The following NTM variants were observed in gnomAD, a reference collection of about 807,000 sequenced individuals.
The protein encoded by NTM is neurotrimin, also known as IgLON family member 2.
A neutral mutation model predicts 42.1 loss-of-function variants in NTM; 13 were observed. The ratio of observed to expected loss-of-function variants is 0.31; its 90% CI spans 0.20 to 0.49. The LOEUF (loss-of-function observed/expected upper bound fraction) is 0.49. Among genes scored for constraint, NTM ranks in the 20% least tolerant of loss-of-function variants. The pLI, the probability that NTM is intolerant of heterozygous loss-of-function variation, is 0.99. For synonymous variants in NTM, 187 were observed against 179.2 expected (o/e 1.04, Z -0.35); for missense variants, 373 against 452.8 (o/e 0.82, Z 1.60).
At chr11:131,567,197 A>G (rs2056979374) in intron 1 of NTM, among the ~76,000 whole-genome samples, 1 of 152,138 alleles carries the variant, frequency 6.6e-6, no homozygotes. Flanking sequence ...GGAAACCTAA[A>G]AAAACCCTAG....
intron 1 of NTM, among the ~76,000 whole-genome samples, chr11:131,564,579 T>C (rs1374554952): frequency 2.6e-5 from 4 of 152,186 alleles, no homozygotes; most frequent in Non-Finnish European, 5.9e-5. Context: ...GTATACAACA[T>C]GGTGAGTTTG....
intron 4 of NTM, among the ~76,000 whole-genome samples, chr11:132,267,477 T>C (rs1036709422): frequency 6.0e-4 from 32 of 53,696 alleles, no homozygotes; most frequent in African/African-American, 2.5e-3. Flanking sequence ...GGTTCTTGGA[T>C]GATTTTTTTT....
chr11:131,540,493 G>A (rs1021523136), intron 1 of NTM: 1 of 152,238 alleles, frequency 6.6e-6, no homozygotes, highest in African/African-American at 2.4e-5. Context: ...TAAAGATACT[G>A]ACGACCTCCA....
intron 1 of NTM, among the ~76,000 whole-genome samples, chr11:131,614,054 T>C (rs897279467): frequency 6.6e-6 from 1 of 152,190 alleles, no homozygotes; most frequent in African/African-American, 2.4e-5. Context: ...AGCCTCTCAA[T>C]ACCTGGGTGC....
chr11:132,001,186 G>A (rs1284410794), intron 2 of NTM, among the ~76,000 whole-genome samples: 1 of 152,206 alleles, frequency 6.6e-6, no homozygotes, highest in East Asian at 1.9e-4. Flanking sequence ...GTAGGGCATT[G>A]TGGTCCCTTT....
intron 1 of NTM, among the ~76,000 whole-genome samples, chr11:131,383,641 G>A (rs888675781): frequency 6.6e-6 from 1 of 152,100 alleles, no homozygotes; most frequent in African/African-American, 2.4e-5. Context: ...AAAGACAAGA[G>A]GTATATGTAG....
chr11:131,524,920 G>C (rs752908783), intron 1 of NTM, among the ~76,000 whole-genome samples: 2 of 152,216 alleles, frequency 1.3e-5, no homozygotes, highest in African/African-American at 4.8e-5. Flanking sequence ...AATAGTTCTT[G>C]CCTAATGGCA....
At chr11:131,791,900 C>A (rs2090990354) in intron 1 of NTM, among the ~76,000 whole-genome samples, 1 of 152,254 alleles carries the variant, frequency 6.6e-6, no homozygotes, top group African/African-American at 2.4e-5. Flanking sequence ...GGTTACTTAT[C>A]TATAAATAGA....
At chr11:131,781,349 T>C (rs542342310) in intron 1 of NTM, among the ~76,000 whole-genome samples, 1 of 152,126 alleles carries the variant, frequency 6.6e-6, no homozygotes, top group South Asian at 2.1e-4. Flanking sequence ...AAACAAATCA[T>C]ACTGAATAGG....
Position 131,969,493 on chromosome 11 carries a change from G to A in NTM, c.167+57845G>A, listed in dbSNP as rs554484535. Among the ~76,000 whole-genome samples, 5 of 152,356 alleles carry A rather than the reference G, an allele frequency of 3.3e-5. No individual in the cohort carries two copies. The South Asian group carries it at 1.0e-3, about 32-fold the overall frequency. On this transcript the variant is annotated intron_variant, in intron 2 of 8. Transcript: ENST00000683400. ...GCTGTTTGTCCATCAGCTCCAGAGA[G>A]CAGGCTCCTTTAATCTGTTGGCTTT...
intron 1 of NTM, among the ~76,000 whole-genome samples, chr11:131,471,368 G>T (rs939054326): frequency 6.6e-6 from 1 of 152,202 alleles, no homozygotes; most frequent in Non-Finnish European, 1.5e-5. Context: ...AGATTCAAGG[G>T]TGATGAAGGC....
At chr11:131,482,958 AG>A (rs1172209145) in intron 1 of NTM, among the ~76,000 whole-genome samples, 1 of 152,238 alleles carries the variant, frequency 6.6e-6, no homozygotes, top group East Asian at 1.9e-4. Context: ...GCACACGCAG[AG>A]GAAAGTTAAT....
chr11:131,433,315 C>A (rs1271514408), intron 1 of NTM, among the ~76,000 whole-genome samples: 2 of 152,106 alleles, frequency 1.3e-5, no homozygotes, highest in African/African-American at 2.4e-5. Flanking sequence ...CTTTCCTATA[C>A]AACATTCTGT....
intron 2 of NTM, among the ~76,000 whole-genome samples, chr11:131,950,983 AT>A (rs1044818951): frequency 6.6e-6 from 1 of 151,958 alleles, no homozygotes; most frequent in Non-Finnish European, 1.5e-5. Flanking sequence ...TGCCCTGGAC[AT>A]TGCTGTTGTT....
chr11:131,606,624 T>C (rs1343353434), intron 1 of NTM, among the ~76,000 whole-genome samples: 1 of 152,128 alleles, frequency 6.6e-6, no homozygotes. Context: ...CATGGGAACT[T>C]GGGAACTAAC....
rs183079746 is a variant in NTM, at chr11:131,494,527, G to A, written c.82+123639G>A. Among the ~76,000 whole-genome samples, 827 of 152,276 alleles carry A rather than the reference G, an allele frequency of 5.4e-3. 21 individuals are homozygous for A. Among genetic ancestry groups the A allele is most frequent in the Non-Finnish European group, 2.5e-3 (172 of 68,024 alleles). On this transcript the variant is annotated intron_variant, in intron 1 of 8. Transcript: ENST00000683400. Reference sequence around the variant, plus strand: ...CAATTGAACCCATTTGCTGGGGCTGGGAGTTTTTGTGAGATATGGAACTTT... The same window carrying A: ...CAATTGAACCCATTTGCTGGGGCTGAGAGTTTTTGTGAGATATGGAACTTT...
At chr11:131,655,413 C>T (rs1419894903) in intron 1 of NTM, among the ~76,000 whole-genome samples, 1 of 152,232 alleles carries the variant, frequency 6.6e-6, no homozygotes, top group Non-Finnish European at 1.5e-5. Flanking sequence ...CTGGTACCTT[C>T]CTCCTTCCTT....
intron 1 of NTM, among the ~76,000 whole-genome samples, chr11:131,384,881 A>G (rs990322293): frequency 6.6e-6 from 1 of 152,228 alleles, no homozygotes; most frequent in African/African-American, 2.4e-5. Context: ...GAAATACTCT[A>G]CTTTGTCTGT....
rs149454930 is a variant in NTM, at chr11:131,841,947, G to A, written c.83-69617G>A. On this transcript the variant is annotated intron_variant, in intron 1 of 8. Coordinates refer to ENST00000683400, the MANE Select transcript of NTM (RefSeq NM_001352005.2). ...GGCAAGAGATGCCCAACAGCCATTA[G>A]GCAGGAGCCACACTAGAATGGGCGA... Among the ~76,000 whole-genome samples the A allele has an allele frequency of 2.9e-3, 435 of 152,328 alleles. 1 individual carries two copies. Among genetic ancestry groups the A allele is most frequent in the African/African-American group, 9.9e-3 (413 of 41,576 alleles).
Sources: allele counts gnomAD v4.1 joint callset (sites outside exome capture counted in the v4.1 genomes callset), GRCh38; gene constraint gnomAD v4.1.1; transcripts MANE v1.5; gene names NCBI Gene and HGNC (gene_info 2026-07-23, HGNC 2026-07-21).